Variants in RANBP2 observed in about 807,000 individuals in gnomAD.
RANBP2 encodes the protein RAN binding protein 2, also known as E3 SUMO-protein ligase RanBP2.
RANBP2 carries 57 observed loss-of-function variants against 303.6 expected under a neutral mutation model. The ratio of observed to expected loss-of-function variants is 0.19; its 90% confidence interval spans 0.15 to 0.23. RANBP2 has a LOEUF of 0.23. Ranked by LOEUF, RANBP2 falls within the 10% of genes least tolerant of loss-of-function variation. RANBP2 has a pLI of 1.00. For synonymous variants in RANBP2, 1,167 were observed against 1,301.5 expected (o/e 0.90, Z 2.23); for missense variants, 3,138 against 3,780.8 (o/e 0.83, Z 4.46).
the RANBP2 span, among the ~76,000 whole-genome samples, chr2:109,010,022 G>A: frequency 6.6e-6 from 1 of 152,068 alleles, no homozygotes; most frequent in Non-Finnish European, 1.5e-5. Context: ...GTCACTGGAT[G>A]TACTGTAAAG....
the RANBP2 span, among the ~76,000 whole-genome samples, chr2:109,457,165 T>C: frequency 6.6e-5 from 10 of 152,220 alleles, no homozygotes; most frequent in Non-Finnish European, 1.3e-4. Context: ...TTTAGTTAGT[T>C]TGACGAATGC....
the RANBP2 span, among the ~76,000 whole-genome samples, chr2:109,717,060 G>T: frequency 6.6e-6 from 1 of 152,058 alleles, no homozygotes; most frequent in Non-Finnish European, 1.5e-5. Flanking sequence ...GAAGTAAAAG[G>T]CATCCCAGTG....
the RANBP2 span, among the ~76,000 whole-genome samples, chr2:108,949,794 G>T: frequency 7.8e-3 from 1,190 of 152,226 alleles, 9 homozygotes; most frequent in South Asian, 0.029. Context: ...AAGATGATGA[G>T]GTATGTAGCC....
Position 108,736,107 on chromosome 2 carries a change from T to C in RANBP2, c.640T>C (p.Tyr214His). The C allele has an allele frequency of 6.2e-7, 1 of 1,611,892 alleles. No homozygotes were observed. The highest frequency in any genetic ancestry group is 1.3e-5 in the African/African-American group (1 of 74,958). The change falls in exon 6 of 29, where the codon TAT (tyrosine) becomes CAT (histidine). Residue 214 changes from tyrosine to histidine, a missense_variant. Physicochemically the swap from Tyr to His is moderately conservative, Grantham distance 83. Around this residue, in one of 20 missense-constraint regions of RANBP2, gnomAD observed 306 missense variants for 381.9 expected, o/e 0.80. Transcript: ENST00000283195. ...TACTGTTCATTCCACAAAATAGGAATATCTGGAGTCTTTACAGTGTTTGGA... is the reference window on the plus strand; with the variant it reads ...TACTGTTCATTCCACAAAATAGGAACATCTGGAGTCTTTACAGTGTTTGGA... ...NSCVVQTLKE[Y>H]LESLQCLESD...
chr2:108,944,730 C>T, the RANBP2 span, among the ~76,000 whole-genome samples: 3 of 152,266 alleles, frequency 2.0e-5, no homozygotes, highest in South Asian at 2.1e-4. Flanking sequence ...GCACCCCCAC[C>T]GTGCAGAGGA....
chr2:108,768,032 C>G lies in RANBP2; in HGVS notation c.7493C>G (p.Ser2498Cys), dbSNP rs370299038. Reference protein sequence around the residue: ...VADATSEVEVSSTSETTPKAV... With the variant: ...VADATSEVEVCSTSETTPKAV... ...GATGCAACTTCAGAAGTTGAAGTGT[C>G]TAGCACATCTGAAACAACACCAAAA... is the stretch of plus-strand genomic sequence containing the variant. Residue 2498 changes from serine (S) to cysteine (C), a missense_variant, in exon 20 of 29, where the codon TCT (serine) becomes TGT (cysteine). Around this residue, in one of 20 missense-constraint regions of RANBP2, gnomAD observed 497 missense variants for 465.8 expected, o/e 1.07. Transcript: ENST00000283195. The G allele has an allele frequency of 2.6e-5, 42 of 1,611,996 alleles. No homozygotes were observed. The highest frequency in any genetic ancestry group is 3.4e-5 in the Non-Finnish European group (40 of 1,179,866).
chr2:108,846,748 T>G, the RANBP2 span: 6 of 1,608,050 alleles, frequency 3.7e-6, no homozygotes, highest in Non-Finnish European at 5.1e-6. Context: ...CACTCGACTA[T>G]GACATCAACA....
the RANBP2 span, among the ~76,000 whole-genome samples, chr2:109,210,096 G>A: frequency 1.3e-5 from 2 of 152,168 alleles, no homozygotes; most frequent in Non-Finnish European, 2.9e-5. Context: ...TTAGCACAGG[G>A]TCCTCAGGAT....
At chr2:109,292,332 T>C in the RANBP2 span, among the ~76,000 whole-genome samples, 6 of 152,238 alleles carry the variant, frequency 3.9e-5, no homozygotes, top group African/African-American at 2.4e-5. Context: ...GTTCCACATA[T>C]GTGTTTGTTT....
chr2:109,190,132 C>T, the RANBP2 span, among the ~76,000 whole-genome samples: 77 of 152,258 alleles, frequency 5.1e-4, no homozygotes, highest in African/African-American at 1.8e-3. Flanking sequence ...TTAACAAACA[C>T]TGTGATAAGA....
At chr2:108,894,924 C>T in the RANBP2 span, 3 of 152,140 alleles carry the variant, frequency 2.0e-5, no homozygotes, top group African/African-American at 4.8e-5. Flanking sequence ...CCCACTCTTT[C>T]GCTGAAAACA....
Position 108,736,238 on chromosome 2 carries a change from A to G in RANBP2, c.771A>G (p.Glu257=). ...LSTRDVQESR[E]LLQSFDSALQ... ...CTAGAGATGTGCAGGAAAGTAGAGA[A>G]TTACTGCAAAGGTACGTTGACTTTG... Residue 257 remains glutamate (E), a synonymous_variant, in exon 6 of 29, where the codon GAA becomes GAG. Coordinates refer to ENST00000283195, the MANE Select transcript of RANBP2 (RefSeq NM_006267.5). 6.2e-7 allele frequency: 1 copy of G among 1,612,006 alleles called. No individual in the cohort carries two copies.
At chr2:109,640,059 G>T in the RANBP2 span, among the ~76,000 whole-genome samples, 3 of 151,088 alleles carry the variant, frequency 2.0e-5, no homozygotes, top group African/African-American at 7.3e-5. Flanking sequence ...TTCCTTCTCC[G>T]CAAAGCTGTG....
the RANBP2 span, among the ~76,000 whole-genome samples, chr2:109,000,246 G>A: frequency 6.6e-6 from 1 of 152,320 alleles, no homozygotes; most frequent in Non-Finnish European, 1.5e-5. Context: ...AAAGTCCTAG[G>A]CCGGGCACGG....
intron 7 of RANBP2, among the ~76,000 whole-genome samples, chr2:108,744,532 G>A (rs1270015431): frequency 6.6e-6 from 1 of 152,152 alleles, no homozygotes; most frequent in African/African-American, 2.4e-5. Context: ...ATTGAGGTCA[G>A]TTTCAAAACA....
chr2:109,178,336 C>T, the RANBP2 span, among the ~76,000 whole-genome samples: 4 of 152,104 alleles, frequency 2.6e-5, no homozygotes, highest in Non-Finnish European at 4.4e-5. Context: ...ATTGAGCCCC[C>T]GTGAATAATA....
At chr2:108,950,817 C>T in the RANBP2 span, among the ~76,000 whole-genome samples, 2 of 152,236 alleles carry the variant, frequency 1.3e-5, no homozygotes, top group African/African-American at 2.4e-5. Flanking sequence ...GCAATACATT[C>T]TCAGCACAGG....
chr2:109,693,832 G>A, the RANBP2 span, among the ~76,000 whole-genome samples: 2 of 152,048 alleles, frequency 1.3e-5, no homozygotes, highest in Non-Finnish European at 2.9e-5. Context: ...GACCACCTTG[G>A]GCACATGTCT....
chr2:109,196,260 T>C, the RANBP2 span, among the ~76,000 whole-genome samples: 1 of 152,214 alleles, frequency 6.6e-6, no homozygotes, highest in East Asian at 1.9e-4. Flanking sequence ...CTGCATCCGC[T>C]GCTCTCCTGG....
Sources: gnomAD v4.1 joint callset for allele counts (sites outside exome capture counted in the v4.1 genomes callset) on GRCh38, gnomAD v4.1.1 for gene constraint, gnomAD v4.1.1 regional missense constraint, MANE v1.5 for transcripts, NCBI Gene and HGNC (gene_info 2026-07-23, HGNC 2026-07-21) for gene names.